The following BPIFA3 variants were observed in gnomAD, a reference collection of about 807,000 sequenced individuals.
The protein encoded by BPIFA3 is BPI fold containing family A member 3.
Under a neutral mutation model 29.7 loss-of-function variants are expected in BPIFA3, and 32 were observed. That is an observed-to-expected ratio of 1.08 (90% CI 0.81 to 1.45). BPIFA3 has a LOEUF of 1.45. Among genes scored for constraint, BPIFA3 ranks in the 40% most tolerant of loss-of-function variants. The pLI, the probability that BPIFA3 is intolerant of heterozygous loss-of-function variation, is 0.00. For missense variants in BPIFA3, 323 were observed against 311.3 expected, an observed-to-expected ratio of 1.04 and a Z score of -0.28; for synonymous variants, 112 against 113.7, an observed-to-expected ratio of 0.98 and a Z score of 0.10.
chr20:33,226,339 A>C, intron 4 of BPIFA3, 67 bp from the exon 5 acceptor site: 7 of 1,168,528 alleles, frequency 6.0e-6, no homozygotes, highest in Non-Finnish European at 7.6e-6. Context: ...TACTCAACAC[A>C]TACCTCCTGG....
At chr20:33,226,861 T>C (rs1985803261) in intron 5 of BPIFA3, 69 bp from the exon 6 acceptor site, 1 of 1,589,246 alleles carries the variant, frequency 6.3e-7, no homozygotes, top group South Asian at 1.1e-5. Context: ...TGAAGTTTCC[T>C]GCCACAGTCA....
intron 3 of BPIFA3, 139 bp from the exon 4 acceptor site, chr20:33,224,959 G>T: frequency 1.4e-6 from 1 of 712,088 alleles, no homozygotes; most frequent in South Asian, 1.8e-5. Flanking sequence ...GATTTAACTG[G>T]GCCTAGTTTG....
chr20:33,219,762 T>G, intron 1 of BPIFA3, among the ~76,000 whole-genome samples: 1 of 152,250 alleles, frequency 6.6e-6, no homozygotes, highest in Non-Finnish European at 1.5e-5. Flanking sequence ...CTGTTTTATC[T>G]GACAGACCTA....
intron 1 of BPIFA3, among the ~76,000 whole-genome samples, chr20:33,220,385 A>G (rs6057765): frequency 0.13 from 19,779 of 151,844 alleles, 4,292 homozygotes; most frequent in African/African-American, 0.45. Flanking sequence ...GGGACAGAGC[A>G]AGACTCCATC....
intron 3 of BPIFA3, among the ~76,000 whole-genome samples, chr20:33,224,756 C>T (rs1273224394): frequency 6.6e-6 from 1 of 152,196 alleles, no homozygotes; most frequent in Non-Finnish European, 1.5e-5. Flanking sequence ...CATCTCATCG[C>T]CCCTGCTCAC....
At position 33,226,458 on chromosome 20, in the gene BPIFA3, C is replaced by T; in HGVS notation, c.589C>T (p.Gln197Ter). 6.2e-7 allele frequency: 1 copy of T among 1,609,160 alleles called. No individual in the cohort carries two copies. The highest frequency in any genetic ancestry group is 8.5e-7 in the Non-Finnish European group (1 of 1,178,560). ...QFLYNLKENL[Q>*]KVLPHMVESQ... ...TCTCTACAACCTCAAAGAGAATCTG[C>T]AAAAAGTTCTCCCACACATGGTAGA... is the stretch of plus-strand genomic sequence containing the variant. Residue 197 changes from glutamine to a stop codon, truncating the protein, a stop_gained, in exon 5 of 7, where the codon CAA becomes TAA. Coordinates refer to ENST00000375454, the MANE Select transcript of BPIFA3 (RefSeq NM_178466.5). LOFTEE classifies it high-confidence loss of function.
Position 33,226,642 on chromosome 20 carries a change from C to T in BPIFA3, c.621+152C>T, listed in dbSNP as rs926986789. The T allele has an allele frequency of 5.7e-6, 4 of 705,292 alleles. No individual in the cohort carries two copies. The South Asian group carries it at 7.6e-5, about 13-fold the overall frequency. The allele number at this position is 705,292 out of a possible 1,614,324, so 43.7% of individuals were successfully genotyped here. A position where few individuals can be genotyped will look rare whatever the true frequency, so the allele number is the denominator to read the frequency against. On this transcript the variant is annotated intron_variant, in intron 5 of 6. Coordinates refer to ENST00000375454, the MANE Select transcript of BPIFA3 (RefSeq NM_178466.5). ...ATTTCAGTTTGGCCATGAGTTTTGC[C>T]AGCCTATCCTTGAGCAAGAGACTTT...
chr20:33,222,607 A>G (rs6088142), intron 1 of BPIFA3, among the ~76,000 whole-genome samples: 26 of 103,352 alleles, frequency 2.5e-4, no homozygotes, highest in Admixed American at 2.6e-4. Context: ...TGGATGGATG[A>G]GTGGATGGAT....
chr20:33,221,095 C>CTG (rs1985488429), intron 1 of BPIFA3, among the ~76,000 whole-genome samples: 1 of 151,542 alleles, frequency 6.6e-6, no homozygotes, highest in Non-Finnish European at 1.5e-5. Context: ...GATTTTTCTG[C>CTG]TGTTGAACCT....
intron 1 of BPIFA3, among the ~76,000 whole-genome samples, chr20:33,219,876 G>C (rs6059164): frequency 6.6e-6 from 1 of 151,806 alleles, no homozygotes; most frequent in Non-Finnish European, 1.5e-5. Context: ...GTGGGAAATC[G>C]CTTGAGCCTA....
chr20:33,227,057 C>G, intron 6 of BPIFA3, 64 bp downstream of exon 6: 2 of 1,491,208 alleles, frequency 1.3e-6, no homozygotes, highest in Non-Finnish European at 1.9e-6. Context: ...AGAGGTACCC[C>G]CGGCCCTGGA....
chr20:33,223,685 T>G, intron 1 of BPIFA3, 126 bp from the exon 2 acceptor site: 1 of 927,466 alleles, frequency 1.1e-6, no homozygotes, highest in South Asian at 2.0e-5. Context: ...CATGGGGAGG[T>G]GGTGACATGC....
At chr20:33,224,922 T>C (rs919089644) in intron 3 of BPIFA3, among the ~76,000 whole-genome samples, 176 bp from the exon 4 acceptor site, 1 of 152,212 alleles carries the variant, frequency 6.6e-6, no homozygotes, top group Non-Finnish European at 1.5e-5. Context: ...TGGCTACAGC[T>C]GTTTTCTCTT....
chr20:33,225,302 G>A (rs1032773768), intron 4 of BPIFA3, 55 bp downstream of exon 4: 6 of 1,608,996 alleles, frequency 3.7e-6, no homozygotes, highest in Non-Finnish European at 5.1e-6. Flanking sequence ...ATGAGCCCCA[G>A]CTGCAGGGTC....
rs756862181 is a variant in BPIFA3, at chr20:33,225,133, A to G, written c.422A>G (p.His141Arg). 1.9e-6 allele frequency: 3 copies of G among 1,614,186 alleles called. No homozygotes were observed. Among genetic ancestry groups the G allele is most frequent in the East Asian group, 4.5e-5 (2 of 44,880 alleles). ...AACAACATCGTAAAGATGTGTGCAC[A>G]TATGAGCATCGTTGTGGAGTTCTGG... ...FDNNIVKMCA[H>R]MSIVVEFWLE... The change falls in exon 4 of 7, where the codon CAT (histidine) becomes CGT (arginine). Residue 141 changes from histidine to arginine, a missense_variant. Physicochemically the swap from His to Arg is conservative, Grantham distance 29. Transcript: ENST00000375454.
At position 33,226,399 on chromosome 20, in the gene BPIFA3, T is replaced by G; in HGVS notation, c.537-7T>G. On this transcript the variant is annotated splice_region_variant and splice_polypyrimidine_tract_variant and intron_variant, in intron 4 of 6. Coordinates refer to ENST00000375454, the MANE Select transcript of BPIFA3 (RefSeq NM_178466.5). ...GTTCTGTTCTGTGCCTCTACCTTTCTTTCTAGGGCTATCCCACCAAAGATG... is the reference window on the plus strand; with the variant it reads ...GTTCTGTTCTGTGCCTCTACCTTTCGTTCTAGGGCTATCCCACCAAAGATG... 6.2e-7 allele frequency: 1 copy of G among 1,606,902 alleles called. No homozygotes were observed. The highest frequency in any genetic ancestry group is 1.1e-5 in the South Asian group (1 of 90,744).
At chr20:33,226,161 T>C in intron 4 of BPIFA3, 1 of 434,628 alleles carries the variant, frequency 2.3e-6, no homozygotes, top group Non-Finnish European at 4.1e-6. Context: ...GGGAGGACGG[T>C]GTAAGGGAAA....
intron 1 of BPIFA3, among the ~76,000 whole-genome samples, chr20:33,222,785 C>A (rs973761103): frequency 1.3e-5 from 2 of 152,196 alleles, no homozygotes; most frequent in Admixed American, 6.5e-5. Flanking sequence ...TAATCATGAA[C>A]CAAGAACTAC....
intron 1 of BPIFA3, among the ~76,000 whole-genome samples, chr20:33,221,443 C>G (rs1985511369): frequency 6.6e-6 from 1 of 152,218 alleles, no homozygotes; most frequent in Non-Finnish European, 1.5e-5. Flanking sequence ...AGGCGTGAGC[C>G]ACTGCGCCTG....
Sources: allele counts gnomAD v4.1 joint callset (sites outside exome capture counted in the v4.1 genomes callset), GRCh38; gene constraint gnomAD v4.1.1; transcripts MANE v1.5; gene names NCBI Gene and HGNC (gene_info 2026-07-23, HGNC 2026-07-21).